PRKG1: variants seen among roughly 807,000 people sequenced by gnomAD.
PRKG1 encodes cGMP-dependent protein kinase 1.
Under a neutral mutation model 88.1 loss-of-function variants are expected in PRKG1, and 35 were observed. That is an observed-to-expected ratio of 0.40 (90% CI 0.30 to 0.53). PRKG1 has a LOEUF of 0.53. Ranked by LOEUF, PRKG1 falls within the 20% of genes least tolerant of loss-of-function variation. PRKG1 has a pLI of 0.59. For missense variants in PRKG1, 540 were observed against 839.8 expected, an observed-to-expected ratio of 0.64 and a Z score of 4.41; for synonymous variants, 303 against 292.5, an observed-to-expected ratio of 1.04 and a Z score of -0.37.
chr10:51,561,303 C>T (rs565129988), intron 3 of PRKG1, among the ~76,000 whole-genome samples: 14 of 151,694 alleles, frequency 9.2e-5, no homozygotes, highest in Non-Finnish European at 1.6e-4. Context: ...GCACTCCAGC[C>T]TGGGTGACAA....
chr10:52,114,009 GTCTT>G (rs1847628730), intron 7 of PRKG1, among the ~76,000 whole-genome samples: 1 of 152,040 alleles, frequency 6.6e-6, no homozygotes, highest in African/African-American at 2.4e-5. Flanking sequence ...TGATTAGATC[GTCTT>G]TCTTCAGATA....
intron 7 of PRKG1, among the ~76,000 whole-genome samples, chr10:52,080,975 T>G (rs1490205297): frequency 6.6e-6 from 1 of 152,288 alleles, no homozygotes; most frequent in African/African-American, 2.4e-5. Context: ...TAGAATAGGC[T>G]GAGGCCTCTG....
intron 1 of PRKG1, among the ~76,000 whole-genome samples, chr10:51,131,646 A>G (rs1421472113): frequency 6.6e-6 from 1 of 152,192 alleles, no homozygotes; most frequent in Admixed American, 6.5e-5. Context: ...ATGTGGAAGG[A>G]TAAGGTACAG....
chr10:51,535,813 TC>T (rs1842134700), intron 3 of PRKG1, among the ~76,000 whole-genome samples: 1 of 150,536 alleles, frequency 6.6e-6, no homozygotes, highest in African/African-American at 2.4e-5. Context: ...CAACTCCGCC[TC>T]CCGGTTCAAG....
intron 16 of PRKG1, 21 bp downstream of exon 16, chr10:52,289,014 G>A (rs916488984): frequency 1.0e-5 from 16 of 1,586,816 alleles, no homozygotes; most frequent in Non-Finnish European, 1.4e-5. Flanking sequence ...TTTCTGCAGA[G>A]TTCTGAACAC....
chr10:51,591,145 A>ATGTG (rs4041277), intron 3 of PRKG1, among the ~76,000 whole-genome samples: 10 of 150,708 alleles, frequency 6.6e-5, no homozygotes, highest in African/African-American at 2.4e-4. Context: ...GAAAAGTAGT[A>ATGTG]TGTGTGTGTG....
At chr10:51,596,067 G>T (rs1016157781) in intron 3 of PRKG1, among the ~76,000 whole-genome samples, 1 of 152,136 alleles carries the variant, frequency 6.6e-6, no homozygotes. Flanking sequence ...CTGACCTCAT[G>T]ATCCACCTGC....
chr10:51,288,099 A>AT (rs1240406701), intron 2 of PRKG1, among the ~76,000 whole-genome samples: 6 of 136,014 alleles, frequency 4.4e-5, no homozygotes, highest in Non-Finnish European at 9.0e-5. Context: ...CTGCTAGAGG[A>AT]TTTTTTTCTT....
intron 10 of PRKG1, among the ~76,000 whole-genome samples, chr10:52,269,563 A>T (rs1387769065): frequency 6.6e-6 from 1 of 152,078 alleles, no homozygotes; most frequent in Non-Finnish European, 1.5e-5. Flanking sequence ...CAGGAACAAG[A>T]CACTTAAGAC....
chr10:52,240,441 C>T (rs373415364), intron 9 of PRKG1, among the ~76,000 whole-genome samples: 4 of 152,128 alleles, frequency 2.6e-5, no homozygotes, highest in South Asian at 2.1e-4. Context: ...GACCAGAAAA[C>T]GGACCATAAG....
intron 9 of PRKG1, among the ~76,000 whole-genome samples, chr10:52,225,050 G>T (rs1252179932): frequency 3.3e-5 from 5 of 151,802 alleles, no homozygotes. Context: ...GTTCTTTAAG[G>T]AATCTCCACC....
At chr10:51,084,559 C>G (rs996241412) in intron 1 of PRKG1, among the ~76,000 whole-genome samples, 1 of 152,262 alleles carries the variant, frequency 6.6e-6, no homozygotes, top group South Asian at 2.1e-4. Context: ...ATTTAATTCA[C>G]TTCTACATAG....
intron 3 of PRKG1, among the ~76,000 whole-genome samples, chr10:51,652,401 G>T (rs1840060627): frequency 6.6e-6 from 1 of 151,806 alleles, no homozygotes; most frequent in African/African-American, 2.4e-5. Flanking sequence ...CAAAGGTAGG[G>T]TTAACATCCT....
intron 2 of PRKG1, among the ~76,000 whole-genome samples, chr10:51,445,181 A>G (rs1415397523): frequency 6.6e-6 from 1 of 151,876 alleles, no homozygotes; most frequent in Non-Finnish European, 1.5e-5. Context: ...GCAACTGACT[A>G]CCATATAGGA....
chr10:51,292,201 A>T (rs1293139282), intron 2 of PRKG1, among the ~76,000 whole-genome samples: 1 of 152,164 alleles, frequency 6.6e-6, no homozygotes, highest in Non-Finnish European at 1.5e-5. Context: ...TTGTTTGTTT[A>T]TCAAGCTTGA....
rs553201208 is a variant in PRKG1 at position 51,940,762 on chromosome 10, T to G, written c.762+33192T>G. 6.3e-4 allele frequency among the ~76,000 whole-genome samples: 96 copies of G among 152,140 alleles called. 1 individual carries two copies. In the Middle Eastern group the frequency reaches 0.017, roughly 27 times the overall value. On this transcript the variant is annotated intron_variant, in intron 5 of 17. Coordinates refer to ENST00000373980, the MANE Select transcript of PRKG1 (RefSeq NM_006258.4). ...GTTATTACTTCCCTTAACTTTCGTCTTCTTCTCTCTCTTTTTTCTTTCACC... is the reference window on the plus strand; with the variant it reads ...GTTATTACTTCCCTTAACTTTCGTCGTCTTCTCTCTCTTTTTTCTTTCACC...
At chr10:51,225,882 G>A (rs1411899928) in intron 2 of PRKG1, among the ~76,000 whole-genome samples, 1 of 152,126 alleles carries the variant, frequency 6.6e-6, no homozygotes, top group Non-Finnish European at 1.5e-5. Flanking sequence ...GAATAATGTA[G>A]ATCCCCTCAT....
chr10:51,029,756 AT>A (rs1843256546), intron 1 of PRKG1, among the ~76,000 whole-genome samples: 1 of 152,152 alleles, frequency 6.6e-6, no homozygotes, highest in Non-Finnish European at 1.5e-5. Context: ...TGAGGATCAA[AT>A]GAAATCGTGG....
chr10:51,327,474 T>C (rs1803502494), intron 2 of PRKG1, among the ~76,000 whole-genome samples: 1 of 152,138 alleles, frequency 6.6e-6, no homozygotes, highest in African/African-American at 2.4e-5. Flanking sequence ...TTCTCTTTTC[T>C]TTTTTAAAAA....
Sources: allele counts gnomAD v4.1 joint callset (sites outside exome capture counted in the v4.1 genomes callset), GRCh38; gene constraint gnomAD v4.1.1; transcripts MANE v1.5; gene names NCBI Gene and HGNC (gene_info 2026-07-23, HGNC 2026-07-21).